The following UQCC6 variants were observed in gnomAD, a reference collection of about 807,000 sequenced individuals.
UQCC6 encodes ubiquinol-cytochrome c reductase complex assembly factor 6.
chr12:103,965,687 C>A, the UQCC6 span: 1 of 296,298 alleles, frequency 3.4e-6, no homozygotes. Context: ...GTCGGCAGAG[C>A]GCTCCTAGTC....
the UQCC6 span, among the ~76,000 whole-genome samples, chr12:103,955,302 G>A: frequency 6.6e-6 from 1 of 150,828 alleles, no homozygotes; most frequent in East Asian, 2.0e-4. Flanking sequence ...GGGTGACAGA[G>A]TGAGACTGTG....
the UQCC6 span, chr12:103,951,502 T>C: frequency 1.6e-6 from 2 of 1,287,746 alleles, no homozygotes; most frequent in South Asian, 1.3e-5. Context: ...ACTTATATTA[T>C]TCACAGAATT....
At chr12:103,952,541 A>G in the UQCC6 span, among the ~76,000 whole-genome samples, 14 of 152,322 alleles carry the variant, frequency 9.2e-5, no homozygotes, top group African/African-American at 3.4e-4. Flanking sequence ...CATAAACCTA[A>G]AAGTGGCATT....
chr12:103,956,370 C>CCA, the UQCC6 span: 1 of 352,022 alleles, frequency 2.8e-6, no homozygotes, highest in Middle Eastern at 8.0e-4. Context: ...GGCAGATAGG[C>CCA]CACAGGTAGG....
At chr12:103,957,004 T>C in the UQCC6 span, 218 of 486,194 alleles carry the variant, frequency 4.5e-4, no homozygotes, top group Non-Finnish European at 7.2e-4. Context: ...CGTGCGGCAT[T>C]AAAGGGAGCT....
chr12:103,954,644 T>G, the UQCC6 span: 1 of 359,410 alleles, frequency 2.8e-6, no homozygotes, highest in South Asian at 5.4e-5. Context: ...CGGCGTGAAA[T>G]TTGGAGGAGA....
At chr12:103,953,314 T>A in the UQCC6 span, 1 of 699,894 alleles carries the variant, frequency 1.4e-6, no homozygotes, top group Non-Finnish European at 2.6e-6. Flanking sequence ...ATGTACAGTA[T>A]GAGAGAGGAA....
At chr12:103,950,402 T>C in the UQCC6 span, 1 of 151,884 alleles carries the variant, frequency 6.6e-6, no homozygotes, top group African/African-American at 2.4e-5. Context: ...CCATAGGGAG[T>C]TGTGGTGGGC....
chr12:103,955,829 T>A, the UQCC6 span: 4 of 455,282 alleles, frequency 8.8e-6, no homozygotes, highest in Admixed American at 2.4e-5. Flanking sequence ...CATCTCCACC[T>A]CCCCAAGACT....
the UQCC6 span, chr12:103,950,399 G>A: frequency 3.3e-5 from 5 of 152,234 alleles, no homozygotes; most frequent in African/African-American, 1.2e-4. Flanking sequence ...ACCCCATAGG[G>A]AGTTGTGGTG....
At chr12:103,961,532 T>C in the UQCC6 span, among the ~76,000 whole-genome samples, 1 of 101,634 alleles carries the variant, frequency 9.8e-6, no homozygotes, top group Non-Finnish European at 2.1e-5. Flanking sequence ...TTAATACTGT[T>C]TGGTTTTGTT....
the UQCC6 span, among the ~76,000 whole-genome samples, chr12:103,965,291 T>TG: frequency 6.6e-6 from 1 of 152,188 alleles, no homozygotes; most frequent in Non-Finnish European, 1.5e-5. Context: ...TGTAAGGTTA[T>TG]GGGAGGTGAT....
At chr12:103,959,222 C>G in the UQCC6 span, among the ~76,000 whole-genome samples, 1 of 152,166 alleles carries the variant, frequency 6.6e-6, no homozygotes, top group Non-Finnish European at 1.5e-5. Context: ...CTTGAATAAA[C>G]CCTCTTTAAG....
chr12:103,958,194 C>CA, the UQCC6 span, among the ~76,000 whole-genome samples: 16 of 145,336 alleles, frequency 1.1e-4, no homozygotes, highest in East Asian at 2.8e-3. Context: ...CCAGCCTGGG[C>CA]AACAGAGCAA....
the UQCC6 span, chr12:103,953,367 C>A: frequency 1.4e-6 from 1 of 701,812 alleles, no homozygotes; most frequent in South Asian, 1.5e-5. Context: ...ACAACAGAGT[C>A]ATCTCCTTTG....
chr12:103,960,163 T>A, the UQCC6 span, among the ~76,000 whole-genome samples: 1 of 152,056 alleles, frequency 6.6e-6, no homozygotes, highest in Admixed American at 6.5e-5. Flanking sequence ...CCTTGACTCC[T>A]GAGTTCAAGC....
At chr12:103,961,609 T>C in the UQCC6 span, among the ~76,000 whole-genome samples, 1 of 152,078 alleles carries the variant, frequency 6.6e-6, no homozygotes, top group Non-Finnish European at 1.5e-5. Flanking sequence ...CAGGCTAGAG[T>C]GCAGTGGCTC....
the UQCC6 span, chr12:103,957,022 A>G: frequency 2.3e-6 from 1 of 439,430 alleles, no homozygotes; most frequent in Non-Finnish European, 4.2e-6. Flanking sequence ...GCTCTTGATC[A>G]GCAAGCGGAA....
At chr12:103,963,911 G>A in the UQCC6 span, among the ~76,000 whole-genome samples, 1 of 150,708 alleles carries the variant, frequency 6.6e-6, no homozygotes, top group African/African-American at 2.4e-5. Flanking sequence ...TTTTATAGAT[G>A]TCATTTATCA....
Sources: allele counts gnomAD v4.1 joint callset (sites outside exome capture counted in the v4.1 genomes callset), GRCh38; gene constraint gnomAD v4.1.1; transcripts MANE v1.5; gene names NCBI Gene and HGNC (gene_info 2026-07-23, HGNC 2026-07-21).